BNIP3L: variants seen among roughly 807,000 people sequenced by gnomAD.
BNIP3L encodes BCL2/adenovirus E1B 19 kDa protein-interacting protein 3-like.
BNIP3L carries 10 observed loss-of-function variants against 25.5 expected under a neutral mutation model. The observed-to-expected ratio is 0.39, with a 90% confidence interval of 0.24 to 0.67. BNIP3L has a LOEUF of 0.67. Among genes scored for constraint, BNIP3L ranks in the 30% least tolerant of loss-of-function variants. The pLI, the probability that BNIP3L is intolerant of heterozygous loss-of-function variation, is 0.45. For missense variants in BNIP3L, 215 were observed against 270.9 expected, an observed-to-expected ratio of 0.79 and a Z score of 1.45; for synonymous variants, 113 against 101.2, an observed-to-expected ratio of 1.12 and a Z score of -0.70.
At chr8:26,389,635 T>G (rs1806062199) in intron 1 of BNIP3L, among the ~76,000 whole-genome samples, 1 of 152,230 alleles carries the variant, frequency 6.6e-6, no homozygotes, top group East Asian at 1.9e-4. Flanking sequence ...AAGAAAATTC[T>G]AGTGTATAAC....
At chr8:26,390,475 T>C in intron 1 of BNIP3L, 2 of 985,134 alleles carry the variant, frequency 2.0e-6, no homozygotes, top group Non-Finnish European at 2.4e-6. Flanking sequence ...CCCTAGAAAG[T>C]AGAAACCCGT....
intron 1 of BNIP3L, among the ~76,000 whole-genome samples, chr8:26,389,644 A>G (rs1352851945): frequency 6.6e-6 from 1 of 152,204 alleles, no homozygotes; most frequent in African/African-American, 2.4e-5. Flanking sequence ...CTAGTGTATA[A>G]CTGAGCATCT....
chr8:26,393,588 A>G (rs1226243188), intron 2 of BNIP3L, among the ~76,000 whole-genome samples: 3 of 151,948 alleles, frequency 2.0e-5, no homozygotes, highest in Non-Finnish European at 4.4e-5. Flanking sequence ...TTTAGAGAAG[A>G]GGTTGGTACC....
At position 26,395,297 on chromosome 8, in the gene BNIP3L, T is replaced by G. The variant is rs1806208921; in HGVS notation, c.352T>G (p.Ser118Ala). The change falls in exon 3 of 6, where the codon TCT becomes GCT. Residue 118 changes from serine (S) to alanine (A), a missense_variant. Around this residue, in one of 4 missense-constraint regions of BNIP3L, gnomAD observed 47 missense variants for 43.3 expected, o/e 1.09. Transcript: ENST00000380629. ...AATGCACACCAGCAGGGACCATAGCTCTCAGGTGTGTCGGGGGGATTCTGA... is the reference window on the plus strand; with the variant it reads ...AATGCACACCAGCAGGGACCATAGCGCTCAGGTGTGTCGGGGGGATTCTGA... ...VEMHTSRDHS[S>A]QSEEEVVEGE... 2 of 1,613,862 alleles carry G rather than the reference T, an allele frequency of 1.2e-6. No homozygotes were observed. Among genetic ancestry groups the G allele is most frequent in the East Asian group, 2.2e-5 (1 of 44,872 alleles).
At chr8:26,410,231 T>C (rs1806591374) in intron 5 of BNIP3L, 133 bp from the exon 6 acceptor site, 7 of 930,080 alleles carry the variant, frequency 7.5e-6, no homozygotes, top group Non-Finnish European at 9.8e-6. Flanking sequence ...TTCACGGTGT[T>C]TGGGGAGCGG....
intron 1 of BNIP3L, 158 bp downstream of exon 1, chr8:26,383,388 G>A: frequency 1.4e-6 from 2 of 1,447,746 alleles, no homozygotes; most frequent in Middle Eastern, 2.5e-4. Flanking sequence ...CTGTCAAGAG[G>A]AGGGGCGCCT....
At chr8:26,391,144 G>A in intron 1 of BNIP3L, 99 bp from the exon 2 acceptor site, 1 of 1,013,482 alleles carries the variant, frequency 9.9e-7, no homozygotes, top group African/African-American at 1.6e-5. Context: ...TTGGTTTGAG[G>A]AGAGTCAGAA....
rs1198430573 is a variant in BNIP3L at position 26,411,724 on chromosome 8, C to G, written c.*1312C>G. 1 of 152,578 alleles carries G rather than the reference C, an allele frequency of 6.6e-6. No individual in the cohort carries two copies. The highest frequency in any genetic ancestry group is 3.2e-3 in the Middle Eastern group (1 of 316). The allele number at this position is 152,578 out of a possible 1,614,324, so 9.5% of individuals were successfully genotyped here. On this transcript the variant is annotated 3_prime_UTR_variant, in exon 6 of 6. Transcript: ENST00000380629. Reference sequence around the variant, plus strand: ...TTAGGACCAAATTGTTAGAAAGCATCAGGATGACCAGTTATCTCGAGTAGA... The same window carrying G: ...TTAGGACCAAATTGTTAGAAAGCATGAGGATGACCAGTTATCTCGAGTAGA...
intron 1 of BNIP3L, among the ~76,000 whole-genome samples, chr8:26,388,527 G>C (rs1194728710): frequency 1.3e-5 from 2 of 152,178 alleles, no homozygotes; most frequent in Non-Finnish European, 2.9e-5. Flanking sequence ...TTATGATTCA[G>C]GGTGTGGAGG....
At position 26,410,536 on chromosome 8, in the gene BNIP3L, A is replaced by G. The variant is rs979995607; in HGVS notation, c.*124A>G. ...CTACCACCCTGTTTTTACATATCCA[A>G]TTCCAGTAACTCTCAAATTCAATAT... On this transcript the variant is annotated 3_prime_UTR_variant, in exon 6 of 6. Transcript: ENST00000380629. The G allele has an allele frequency of 1.2e-5, 13 of 1,061,554 alleles. No homozygotes were observed. Among genetic ancestry groups the G allele is most frequent in the Middle Eastern group, 2.0e-4 (1 of 4,982 alleles). The allele number at this position is 1,061,554 out of a possible 1,614,324, so 65.8% of individuals were successfully genotyped here. A position where few individuals can be genotyped will look rare whatever the true frequency, so the allele number is the denominator to read the frequency against.
At chr8:26,400,550 C>A (rs2117484509) in intron 3 of BNIP3L, among the ~76,000 whole-genome samples, 1 of 140,636 alleles carries the variant, frequency 7.1e-6, no homozygotes, top group East Asian at 2.0e-4. Flanking sequence ...GCAACCAAAG[C>A]CAAAATTGAC....
At chr8:26,383,681 G>C (rs928343906) in intron 1 of BNIP3L, among the ~76,000 whole-genome samples, 4 of 150,566 alleles carry the variant, frequency 2.7e-5, no homozygotes, top group Non-Finnish European at 4.5e-5. Flanking sequence ...GCCGCGGGAC[G>C]TGTCGGGGAT....
intron 3 of BNIP3L, among the ~76,000 whole-genome samples, chr8:26,407,571 G>A (rs925567010): frequency 1.3e-5 from 2 of 150,874 alleles, no homozygotes; most frequent in Admixed American, 1.3e-4. Context: ...CAAGTGATCC[G>A]CCTGCCTCAG....
intron 3 of BNIP3L, among the ~76,000 whole-genome samples, chr8:26,405,425 T>C (rs1806477348): frequency 2.0e-5 from 3 of 152,188 alleles, no homozygotes; most frequent in African/African-American, 7.2e-5. Context: ...AGGAGCTTAA[T>C]CCTAAATGCT....
chr8:26,386,489 C>CAG (rs1805995776), intron 1 of BNIP3L, among the ~76,000 whole-genome samples: 1 of 151,974 alleles, frequency 6.6e-6, no homozygotes, highest in Non-Finnish European at 1.5e-5. Context: ...AACTGGAGTG[C>CAG]AGTGGTACAG....
chr8:26,412,459 A>G lies in BNIP3L; in HGVS notation c.*2047A>G, dbSNP rs1806650327. On this transcript the variant is annotated 3_prime_UTR_variant, in exon 6 of 6. Coordinates refer to ENST00000380629, the MANE Select transcript of BNIP3L (RefSeq NM_004331.3). ...TCTTTCCAAGTTCAGCAGCAGTTCT[A>G]TCAGTGGTGCCACTGAAACTGGGTA... 2.0e-5 allele frequency: 3 copies of G among 152,256 alleles called. No homozygotes were observed. The highest frequency in any genetic ancestry group is 4.1e-4 in the South Asian group (2 of 4,834). 9.4% of individuals were successfully genotyped at this position (152,256 alleles called of 1,614,324 possible). A position where few individuals can be genotyped will look rare whatever the true frequency, so the allele number is the denominator to read the frequency against.
intron 5 of BNIP3L, among the ~76,000 whole-genome samples, chr8:26,408,620 C>T (rs1173982800): frequency 6.6e-6 from 1 of 151,948 alleles, no homozygotes; most frequent in Non-Finnish European, 1.5e-5. Context: ...GCCAGTAATC[C>T]CAGCACTTTG....
chr8:26,392,291 A>T (rs1323693464), intron 2 of BNIP3L, among the ~76,000 whole-genome samples: 4 of 151,822 alleles, frequency 2.6e-5, no homozygotes, highest in African/African-American at 9.7e-5. Flanking sequence ...GTGGTTGTTA[A>T]CTGATGTTAA....
At chr8:26,399,117 AAG>A (rs1419320345) in intron 3 of BNIP3L, among the ~76,000 whole-genome samples, 1 of 142,036 alleles carries the variant, frequency 7.0e-6, no homozygotes, top group African/African-American at 2.7e-5. Context: ...ACAACCAAAA[AAG>A]AGAATTTTAG....
Sources: gnomAD v4.1 joint callset for allele counts (sites outside exome capture counted in the v4.1 genomes callset) on GRCh38, gnomAD v4.1.1 for gene constraint, gnomAD v4.1.1 regional missense constraint, MANE v1.5 for transcripts, NCBI Gene and HGNC (gene_info 2026-07-23, HGNC 2026-07-21) for gene names.